DNAJC27: variants seen among roughly 807,000 people sequenced by gnomAD.
DNAJC27 encodes the protein dnaJ homolog subfamily C member 27.
DNAJC27 carries 25 observed loss-of-function variants against 31.4 expected under a neutral mutation model. The observed-to-expected ratio is 0.80, with a 90% CI of 0.58 to 1.11. DNAJC27 has a LOEUF of 1.11. Ranked by LOEUF, DNAJC27 falls within the 50% of genes most tolerant of loss-of-function variation. DNAJC27 has a pLI of 0.00. For missense variants in DNAJC27, 356 were observed against 347.3 expected (o/e 1.02, Z -0.20); for synonymous variants, 106 against 112.7 (o/e 0.94, Z 0.37).
At chr2:24,971,320 T>C (rs1172751279) in intron 1 of DNAJC27, 1 of 153,074 alleles carries the variant, frequency 6.5e-6, no homozygotes, top group Non-Finnish European at 1.5e-5. Context: ...ACCTCCCCTG[T>C]GAAACACGTC....
intron 6 of DNAJC27, among the ~76,000 whole-genome samples, chr2:24,950,218 C>T (rs940040128): frequency 6.6e-6 from 1 of 152,146 alleles, no homozygotes; most frequent in Non-Finnish European, 1.5e-5. Flanking sequence ...CAGTTTTCCC[C>T]TTCCCTTCCC....
intron 6 of DNAJC27, among the ~76,000 whole-genome samples, chr2:24,950,972 C>A (rs1665760290): frequency 6.6e-6 from 1 of 152,192 alleles, no homozygotes; most frequent in African/African-American, 2.4e-5. Flanking sequence ...AATTATACCA[C>A]TAACTCCGGG....
intron 6 of DNAJC27, among the ~76,000 whole-genome samples, chr2:24,948,422 G>A (rs1665694505): frequency 6.6e-6 from 1 of 152,164 alleles, no homozygotes; most frequent in South Asian, 2.1e-4. Flanking sequence ...AGGAGAAGAT[G>A]AAAAGAAAGG....
Position 24,957,108 on chromosome 2 carries a change from T to C in DNAJC27, c.463A>G (p.Ser155Gly). ...GTTTCAAAGTACAGGAACCCTTTGC[T>C]TTCAGCCCAAAGACGTCCTTCACTT... ...DESEGRLWAE[S>G]KGFLYFETSA... is the part of the protein sequence containing the mutation. Residue 155 changes from serine to glycine, a missense_variant, in exon 5 of 7, where the codon AGC becomes GGC. Ser to Gly is a moderately conservative substitution (Grantham distance 56). Transcript: ENST00000264711. 4.3e-6 allele frequency: 7 copies of C among 1,610,424 alleles called. No homozygotes were observed. The highest frequency in any genetic ancestry group is 5.9e-6 in the Non-Finnish European group (7 of 1,178,912).
chr2:24,967,080 T>A (rs1304528584), intron 2 of DNAJC27, 131 bp downstream of exon 2: 9 of 696,968 alleles, frequency 1.3e-5, no homozygotes, highest in Non-Finnish European at 2.2e-5. Flanking sequence ...ACTATTCCTA[T>A]CTTTCCCAAC....
rs1201333862 is a variant in DNAJC27 at position 24,967,281 on chromosome 2, TTA to T, written c.98_99del (p.Ile33LysfsTer5). The T allele has an allele frequency of 2.5e-6, 4 of 1,612,894 alleles. No homozygotes were observed. The highest frequency in any genetic ancestry group is 1.3e-5 in the African/African-American group (1 of 74,912). On this transcript the variant is annotated frameshift_variant, in exon 2 of 7. Transcript: ENST00000264711. LOFTEE classifies it high-confidence loss of function. The stretch of plus-strand genomic sequence containing the variant: ...ACGAATCTTTTCTCACAGTATCGCT[TTA>T]TAATACAGCTCTAAAAAGGTAAAAA... ...GNAEVGKSCIIKRYCEKRFVS... is the reference protein window; with the variant it reads ...GNAEVGKSCIXKRYCEKRFVS...
At chr2:24,956,370 T>G (rs1038275777) in intron 5 of DNAJC27, among the ~76,000 whole-genome samples, 1 of 152,238 alleles carries the variant, frequency 6.6e-6, no homozygotes, top group Non-Finnish European at 1.5e-5. Flanking sequence ...CCCTTAAAAT[T>G]ACTCAAGATG....
rs568422831 is a variant in DNAJC27, at chr2:24,952,206, G to C, written c.529-652C>G. ...AAGAAAAGTGTAAAATGAAAACTGTGTCTCTCTACTCCTCAAGTTCCTCTC... is the reference window on the plus strand; with the variant it reads ...AAGAAAAGTGTAAAATGAAAACTGTCTCTCTCTACTCCTCAAGTTCCTCTC... On this transcript the variant is annotated intron_variant, in intron 5 of 6. Transcript: ENST00000264711. Among the ~76,000 whole-genome samples the C allele has an allele frequency of 3.3e-5, 5 of 152,122 alleles. No homozygotes were observed. The East Asian group carries it at 9.6e-4, about 29-fold the overall frequency.
intron 3 of DNAJC27, among the ~76,000 whole-genome samples, chr2:24,959,093 A>T (rs1665980009): frequency 1.3e-5 from 2 of 152,336 alleles, no homozygotes; most frequent in Non-Finnish European, 2.9e-5. Context: ...AAAGAACTGA[A>T]GATGATGAAG....
Position 24,947,179 on chromosome 2 carries a change from A to G in DNAJC27, c.*437T>C, listed in dbSNP as rs1665669398. The G allele has an allele frequency of 6.4e-6, 1 of 155,054 alleles. No individual in the cohort carries two copies. 9.6% of individuals were successfully genotyped at this position (155,054 alleles called of 1,614,324 possible). A position where few individuals can be genotyped will look rare whatever the true frequency, so the allele number is the denominator to read the frequency against. On this transcript the variant is annotated 3_prime_UTR_variant, in exon 7 of 7. Coordinates refer to ENST00000264711, the MANE Select transcript of DNAJC27 (RefSeq NM_016544.3). ...AGCAACTTGTCTGTAAGGTCACACC[A>G]AACTTACAGGGGTTCTGATGTTGTT...
At chr2:24,950,189 G>A (rs1485534674) in intron 6 of DNAJC27, among the ~76,000 whole-genome samples, 1 of 152,018 alleles carries the variant, frequency 6.6e-6, no homozygotes, top group Non-Finnish European at 1.5e-5. Flanking sequence ...ATCACCTGGT[G>A]AATGAGTGTG....
chr2:24,958,998 T>C (rs1322206418), intron 3 of DNAJC27, among the ~76,000 whole-genome samples: 1 of 152,208 alleles, frequency 6.6e-6, no homozygotes, highest in East Asian at 1.9e-4. Flanking sequence ...CATAGGCAGA[T>C]ATCTGGACCA....
rs1401006598 is a variant in DNAJC27, at chr2:24,967,253, G to A, written c.128C>T (p.Ser43Phe). 6.2e-7 allele frequency: 1 copy of A among 1,613,876 alleles called. No individual in the cohort carries two copies. Among genetic ancestry groups the A allele is most frequent in the Non-Finnish European group, 8.5e-7 (1 of 1,179,830 alleles). The stretch of plus-strand genomic sequence containing the variant: ...AATTCCAATTGTTGCCAGGTATTTA[G>A]ACACGAATCTTTTCTCACAGTATCG... ...IKRYCEKRFV[S>F]KYLATIGIDY... Residue 43 changes from serine (S) to phenylalanine (F), a missense_variant, in exon 2 of 7, where the codon TCT (serine) becomes TTT (phenylalanine). Physicochemically the swap from Ser to Phe is radical, Grantham distance 155. Transcript: ENST00000264711.
intron 1 of DNAJC27, 69 bp from the exon 2 acceptor site, chr2:24,967,362 C>T (rs1271271825): frequency 8.7e-7 from 1 of 1,144,522 alleles, no homozygotes; most frequent in African/African-American, 1.6e-5. Flanking sequence ...AAGTATATTT[C>T]TTCATTATGG....
At chr2:24,967,356 A>G (rs1382366703) in intron 1 of DNAJC27, 63 bp from the exon 2 acceptor site, 28 of 1,161,042 alleles carry the variant, frequency 2.4e-5, no homozygotes, top group Non-Finnish European at 3.1e-5. Flanking sequence ...CAGAATAAGT[A>G]TATTTCTTCA....
At chr2:24,960,647 G>C (rs1326846726) in intron 3 of DNAJC27, among the ~76,000 whole-genome samples, 1 of 152,228 alleles carries the variant, frequency 6.6e-6, no homozygotes, top group African/African-American at 2.4e-5. Flanking sequence ...AAGTGAGACA[G>C]CATATTGCTG....
At chr2:24,954,776 A>G (rs542308203) in intron 5 of DNAJC27, among the ~76,000 whole-genome samples, 4 of 152,158 alleles carry the variant, frequency 2.6e-5, no homozygotes, top group Non-Finnish European at 5.9e-5. Context: ...TCTCTACTAA[A>G]AATACAAAAA....
intron 1 of DNAJC27, among the ~76,000 whole-genome samples, chr2:24,969,906 GA>G (rs945823569): frequency 6.7e-6 from 1 of 150,166 alleles, no homozygotes; most frequent in African/African-American, 2.4e-5. Flanking sequence ...TATGTTCTGG[GA>G]AAAAAAAACC....
chr2:24,961,512 T>C (rs1048008995), intron 3 of DNAJC27, among the ~76,000 whole-genome samples: 5 of 152,044 alleles, frequency 3.3e-5, no homozygotes, highest in Admixed American at 2.0e-4. Flanking sequence ...GTGATTACTC[T>C]AGGCAAAGCA....
Sources: gnomAD v4.1 joint callset for allele counts (sites outside exome capture counted in the v4.1 genomes callset) on GRCh38, gnomAD v4.1.1 for gene constraint, MANE v1.5 for transcripts, NCBI Gene and HGNC (gene_info 2026-07-23, HGNC 2026-07-21) for gene names.